The following CD82 variants were observed in gnomAD, a reference collection of about 807,000 sequenced individuals.
CD82 encodes the protein CD82 molecule.
Under a neutral mutation model 37.4 loss-of-function variants are expected in CD82, and 36 were observed. The ratio of observed to expected loss-of-function variants is 0.96; its 90% CI spans 0.74 to 1.27. The LOEUF is 1.27. Ranked by LOEUF, CD82 falls within the 50% of genes most tolerant of loss-of-function variation. CD82 has a pLI of 0.00. For missense variants in CD82, 340 were observed against 347.0 expected (o/e 0.98, Z 0.16); for synonymous variants, 158 against 137.4 (o/e 1.15, Z -1.05).
At chr11:44,606,665 AC>A (rs1408200262) in intron 6 of CD82, 1 of 152,226 alleles carries the variant, frequency 6.6e-6, no homozygotes, top group Non-Finnish European at 1.5e-5. Context: ...CGTAAGAAGC[AC>A]CTACTGTGTG....
In CD82 at chr11:44,615,395, G is replaced by A. The variant is rs780936844; in HGVS notation, c.438+22G>A. 14 of 1,491,062 alleles carry A rather than the reference G, an allele frequency of 9.4e-6. No individual in the cohort carries two copies. The South Asian group carries it at 1.2e-4, about 13-fold the overall frequency. 92.4% of individuals were successfully genotyped at this position (1,491,062 alleles called of 1,614,324 possible). A position where few individuals can be genotyped will look rare whatever the true frequency, so the allele number is the denominator to read the frequency against. On this transcript the variant is annotated intron_variant, in intron 7 of 9. Coordinates refer to ENST00000227155, the MANE Select transcript of CD82 (RefSeq NM_002231.4). ...TCAGGTGAGGTGGGGCGGGGCTGCA[G>A]GAGGCTCTCTGGCCTGGGTGTCCCT...
At chr11:44,588,572 CAG>C (rs1426153457) in intron 2 of CD82, among the ~76,000 whole-genome samples, 5 of 152,142 alleles carry the variant, frequency 3.3e-5, no homozygotes, top group South Asian at 2.1e-4. Context: ...AAGTGAGGCT[CAG>C]AGAGGTTAAG....
intron 6 of CD82, among the ~76,000 whole-genome samples, chr11:44,611,814 C>T (rs1428196000): frequency 1.3e-5 from 2 of 152,234 alleles, no homozygotes; most frequent in African/African-American, 4.8e-5. Context: ...CAACCACATT[C>T]TGGACTGAAA....
intron 3 of CD82, among the ~76,000 whole-genome samples, chr11:44,595,908 C>CAAAAAAA (rs71449886): frequency 2.3e-4 from 16 of 69,658 alleles, no homozygotes; most frequent in Non-Finnish European, 2.4e-4. Context: ...TGTTTCTCTA[C>CAAAAAAA]AAAAAAAAAA....
At chr11:44,572,180 G>A (rs1449589445) in intron 1 of CD82, among the ~76,000 whole-genome samples, 1 of 152,198 alleles carries the variant, frequency 6.6e-6, no homozygotes, top group Middle Eastern at 3.2e-3. Flanking sequence ...GCAGGTCCCA[G>A]CTGCTGCCCT....
At chr11:44,587,372 C>G (rs1449131417) in intron 1 of CD82, 103 bp from the exon 2 acceptor site, 4 of 448,158 alleles carry the variant, frequency 8.9e-6, no homozygotes, top group Non-Finnish European at 4.5e-6. Flanking sequence ...CGGGGCCCCG[C>G]CGGCCACACG....
At chr11:44,594,589 CA>C in intron 2 of CD82, 53 bp from the exon 3 acceptor site, 1 of 1,136,166 alleles carries the variant, frequency 8.8e-7, no homozygotes, top group South Asian at 1.2e-5. Flanking sequence ...GGGGTTGCTG[CA>C]AGGGCAGACT....
rs536715244 is a variant in CD82 at position 44,607,516 on chromosome 11, A to C, written c.336+2087A>C. ...AGGCCCCAGTGAGCCGGTTTCTATG[A>C]CTCAGAAGCTGGTCGCCTCTGCAGG... On this transcript the variant is annotated intron_variant, in intron 6 of 9. Transcript: ENST00000227155. Among the ~76,000 whole-genome samples, 10 of 152,268 alleles carry C rather than the reference A, an allele frequency of 6.6e-5. No individual in the cohort carries two copies. The South Asian group carries it at 2.1e-3, about 32-fold the overall frequency.
upstream of CD82, among the ~76,000 whole-genome samples, chr11:44,565,095 A>G (rs1209543973): frequency 1.3e-5 from 2 of 152,216 alleles, no homozygotes; most frequent in Non-Finnish European, 2.9e-5. Context: ...CCCCGGCGGC[A>G]CCCGGATACA....
At chr11:44,594,468 A>G (rs1180910145) in intron 2 of CD82, among the ~76,000 whole-genome samples, 175 bp from the exon 3 acceptor site, 1 of 152,026 alleles carries the variant, frequency 6.6e-6, no homozygotes, top group Non-Finnish European at 1.5e-5. Flanking sequence ...CCTGGCACAC[A>G]AGACTGCTCG....
In CD82 at chr11:44,594,662, G is replaced by A. The variant is rs763522693; in HGVS notation, c.-1G>A. ...TTCCAGGAAGCTCCAGGACTGGCGG[G>A]ATGGGCTCAGCCTGTATCAAAGTCA... On this transcript the variant is annotated 5_prime_UTR_variant, in exon 3 of 10. Coordinates refer to ENST00000227155, the MANE Select transcript of CD82 (RefSeq NM_002231.4). 1.2e-6 allele frequency: 2 copies of A among 1,613,418 alleles called. No individual in the cohort carries two copies. The highest frequency in any genetic ancestry group is 2.2e-5 in the East Asian group (1 of 44,868).
intron 6 of CD82, among the ~76,000 whole-genome samples, chr11:44,610,834 T>A (rs767827498): frequency 6.6e-6 from 1 of 152,176 alleles, no homozygotes; most frequent in Non-Finnish European, 1.5e-5. Context: ...TGAAATTCTT[T>A]TTTTTTTCTT....
chr11:44,585,427 C>G (rs902985580), intron 1 of CD82: 1 of 416,444 alleles, frequency 2.4e-6, no homozygotes, highest in Non-Finnish European at 4.9e-6. Context: ...GGTGATCACC[C>G]AAGGCTACAC....
intron 6 of CD82, among the ~76,000 whole-genome samples, chr11:44,614,238 G>A (rs1197102668): frequency 2.0e-5 from 3 of 152,118 alleles, no homozygotes; most frequent in Non-Finnish European, 4.4e-5. Context: ...CAGTCTTGGG[G>A]CCCCCTCCAG....
chr11:44,599,069 G>A (rs75844808), intron 3 of CD82, among the ~76,000 whole-genome samples: 2,169 of 152,346 alleles, frequency 0.014, 46 homozygotes, highest in African/African-American at 0.049. Context: ...CTGGGGAGAT[G>A]AGCTCAGCCC....
intron 7 of CD82, 88 bp downstream of exon 7, chr11:44,615,461 T>C (rs1331999659): frequency 1.3e-6 from 1 of 797,954 alleles, no homozygotes; most frequent in Non-Finnish European, 2.2e-6. Context: ...GGGACTGGCA[T>C]CTGCAGTGCT....
chr11:44,618,408 T>C (rs757677710), intron 8 of CD82, 43 bp downstream of exon 8: 17 of 1,551,116 alleles, frequency 1.1e-5, no homozygotes, highest in Admixed American at 5.2e-5. Flanking sequence ...TCCGAGGGCG[T>C]TGGGGGCCAT....
At chr11:44,615,810 T>C (rs144827210) in intron 7 of CD82, among the ~76,000 whole-genome samples, 145 of 152,356 alleles carry the variant, frequency 9.5e-4, no homozygotes, top group African/African-American at 3.2e-3. Context: ...CAAATCTTGA[T>C]ACTGGTTTCG....
chr11:44,598,117 C>T (rs1308605474), intron 3 of CD82, among the ~76,000 whole-genome samples: 2 of 152,124 alleles, frequency 1.3e-5, no homozygotes, highest in South Asian at 2.1e-4. Flanking sequence ...AGGTCAATTA[C>T]AAGGCCCGTC....
Sources: allele counts gnomAD v4.1 joint callset (sites outside exome capture counted in the v4.1 genomes callset), GRCh38; gene constraint gnomAD v4.1.1; transcripts MANE v1.5; gene names NCBI Gene and HGNC (gene_info 2026-07-23, HGNC 2026-07-21).